Variants in KCNJ15 observed in about 807,000 individuals in gnomAD.
KCNJ15 encodes potassium inwardly rectifying channel subfamily J member 15, also known as ATP-sensitive inward rectifier potassium channel 15.
Under a neutral mutation model 23.0 loss-of-function variants are expected in KCNJ15, and 14 were observed. The observed-to-expected ratio is 0.61, with a 90% CI of 0.40 to 0.95. The LOEUF (loss-of-function observed/expected upper bound fraction) is 0.95, where lower values mean the gene tolerates loss of function less well. Ranked by LOEUF, KCNJ15 falls within the 40% of genes least tolerant of loss-of-function variation. The probability of loss-of-function intolerance (pLI) is 0.00; values close to 1 mark genes in which losing one functional copy is unlikely to be tolerated. For synonymous variants in KCNJ15, 185 were observed against 183.2 expected, an observed-to-expected ratio of 1.01 and a Z score of -0.08; for missense variants, 388 against 461.8, an observed-to-expected ratio of 0.84 and a Z score of 1.46.
chr21:38,285,512 C>G (rs373761554), intron 1 of KCNJ15: 1 of 152,144 alleles, frequency 6.6e-6, no homozygotes, highest in Non-Finnish European at 1.5e-5. Flanking sequence ...TTAATCTTTA[C>G]GCTATACTGC....
At chr21:38,258,316 T>C (rs948530265) in intron 1 of KCNJ15, among the ~76,000 whole-genome samples, 2 of 152,244 alleles carry the variant, frequency 1.3e-5, no homozygotes, top group African/African-American at 4.8e-5. Flanking sequence ...CTATAATACA[T>C]TTTTAAATAT....
upstream of KCNJ15, among the ~76,000 whole-genome samples, chr21:38,254,857 G>T (rs950196695): frequency 6.6e-6 from 1 of 152,140 alleles, no homozygotes; most frequent in African/African-American, 2.4e-5. Context: ...GTGTTCAAAT[G>T]TTAGTTTATT....
At chr21:38,271,782 T>G (rs903673658) in intron 1 of KCNJ15, among the ~76,000 whole-genome samples, 1 of 152,146 alleles carries the variant, frequency 6.6e-6, no homozygotes, top group Non-Finnish European at 1.5e-5. Context: ...AGAAGGTCAC[T>G]ATAGGAACAC....
chr21:38,290,152 A>T (rs532460701), intron 1 of KCNJ15, among the ~76,000 whole-genome samples: 2 of 152,256 alleles, frequency 1.3e-5, no homozygotes, highest in African/African-American at 4.8e-5. Context: ...TCAGTAAATG[A>T]TACCTCTGGC....
intron 1 of KCNJ15, chr21:38,238,460 G>A (rs62223528): frequency 0.02 from 13,358 of 661,686 alleles, 187 homozygotes; most frequent in Middle Eastern, 0.058. Context: ...TTGGCCTGGC[G>A]GTCTCCACAG....
intron 1 of KCNJ15, among the ~76,000 whole-genome samples, chr21:38,278,475 A>G (rs1982971372): frequency 6.6e-6 from 1 of 152,222 alleles, no homozygotes; most frequent in Non-Finnish European, 1.5e-5. Flanking sequence ...TACTAGTTAC[A>G]TATTCATTCT....
chr21:38,275,999 T>C (rs1197549992), intron 1 of KCNJ15, among the ~76,000 whole-genome samples: 2 of 152,118 alleles, frequency 1.3e-5, no homozygotes, highest in Non-Finnish European at 2.9e-5. Flanking sequence ...ATGGACAAAA[T>C]GGAGAGAAAT....
At chr21:38,281,305 A>G (rs1405866708) in intron 1 of KCNJ15, among the ~76,000 whole-genome samples, 1 of 152,142 alleles carries the variant, frequency 6.6e-6, no homozygotes, top group East Asian at 1.9e-4. Context: ...TATTATAGGT[A>G]TGGGGTACAT....
intron 1 of KCNJ15, among the ~76,000 whole-genome samples, chr21:38,249,238 T>A (rs1247078826): frequency 6.6e-6 from 1 of 152,156 alleles, no homozygotes; most frequent in Non-Finnish European, 1.5e-5. Context: ...CAAAACATAA[T>A]GACTTTTGCC....
chr21:38,241,003 T>C (rs1336328586), intron 1 of KCNJ15, among the ~76,000 whole-genome samples: 1 of 152,228 alleles, frequency 6.6e-6, no homozygotes, highest in Non-Finnish European at 1.5e-5. Flanking sequence ...GTTAATTTGT[T>C]CAAATTATTG....
At chr21:38,297,936 T>C (rs900703189) in intron 2 of KCNJ15, among the ~76,000 whole-genome samples, 1 of 152,208 alleles carries the variant, frequency 6.6e-6, no homozygotes, top group Non-Finnish European at 1.5e-5. Context: ...ACAGTTTCCA[T>C]TTCCTTGAAG....
intron 1 of KCNJ15, among the ~76,000 whole-genome samples, chr21:38,242,566 G>T (rs1211807980): frequency 1.3e-5 from 2 of 152,092 alleles, no homozygotes; most frequent in East Asian, 1.9e-4. Flanking sequence ...TTCTTCAGAT[G>T]GCCTATGAAG....
At chr21:38,263,558 C>T (rs1042738990) in intron 1 of KCNJ15, among the ~76,000 whole-genome samples, 1 of 152,188 alleles carries the variant, frequency 6.6e-6, no homozygotes, top group African/African-American at 2.4e-5. Context: ...AGTTGTACAT[C>T]CATTTTGGAC....
At chr21:38,290,601 A>G (rs1436435926) in intron 1 of KCNJ15, among the ~76,000 whole-genome samples, 1 of 152,122 alleles carries the variant, frequency 6.6e-6, no homozygotes, top group Non-Finnish European at 1.5e-5. Context: ...GGGGAAATTG[A>G]GTTCTTTTGA....
intron 1 of KCNJ15, among the ~76,000 whole-genome samples, chr21:38,271,491 A>G (rs560528520): frequency 1.3e-5 from 2 of 152,378 alleles, no homozygotes; most frequent in African/African-American, 4.8e-5. Context: ...GAGTGAGTGG[A>G]AAGTGAAAAT....
At chr21:38,291,338 T>C (rs2048570682) in intron 1 of KCNJ15, among the ~76,000 whole-genome samples, 1 of 152,210 alleles carries the variant, frequency 6.6e-6, no homozygotes, top group South Asian at 2.1e-4. Context: ...AAGCTTCCCT[T>C]AATGATACCC....
intron 1 of KCNJ15, among the ~76,000 whole-genome samples, chr21:38,269,987 G>A (rs960014453): frequency 6.6e-5 from 10 of 152,030 alleles, no homozygotes; most frequent in East Asian, 1.9e-4. Flanking sequence ...AAGGCCCCCC[G>A]CCCTGTTCAA....
Position 38,282,210 on chromosome 21 carries a change from T to C in KCNJ15, c.-116-14716T>C, listed in dbSNP as rs115902422. Among the ~76,000 whole-genome samples the C allele has an allele frequency of 4.6e-3, 707 of 152,280 alleles. 10 individuals are homozygous for C. Among genetic ancestry groups the C allele is most frequent in the African/African-American group, 0.016 (664 of 41,516 alleles). On this transcript the variant is annotated intron_variant, in intron 1 of 2. Coordinates refer to ENST00000398938, the MANE Select transcript of KCNJ15 (RefSeq NM_170736.3). ...ACACTTAAAAGGATAAAGTGGAAGC[T>C]ACAATTGAATACTTCTATCATTTTG...
chr21:38,275,121 A>G (rs923648522), intron 1 of KCNJ15, among the ~76,000 whole-genome samples: 1 of 152,076 alleles, frequency 6.6e-6, no homozygotes, highest in African/African-American at 2.4e-5. Context: ...TCTACTTCAC[A>G]TATGACAGGT....
Sources: gnomAD v4.1 joint callset for allele counts (sites outside exome capture counted in the v4.1 genomes callset) on GRCh38, gnomAD v4.1.1 for gene constraint, MANE v1.5 for transcripts, NCBI Gene and HGNC (gene_info 2026-07-23, HGNC 2026-07-21) for gene names.